The following DNAH3 variants were observed in gnomAD, a reference collection of about 807,000 sequenced individuals.
DNAH3 encodes the protein dynein axonemal heavy chain 3, also known as axonemal beta dynein heavy chain 3.
DNAH3 carries 332 observed loss-of-function variants against 432.5 expected under a neutral mutation model. That is an observed-to-expected ratio of 0.77 (90% CI 0.70 to 0.84). The LOEUF is 0.84. Among genes scored for constraint, DNAH3 ranks in the 40% least tolerant of loss-of-function variants. The pLI, the probability that DNAH3 is intolerant of heterozygous loss-of-function variation, is 0.00. For synonymous variants in DNAH3, 1,956 were observed against 1,900.2 expected, an observed-to-expected ratio of 1.03 and a Z score of -0.76; for missense variants, 4,861 against 5,114.0, an observed-to-expected ratio of 0.95 and a Z score of 1.51.
At chr16:21,153,837 C>G (rs1056700673) in intron 1 of DNAH3, among the ~76,000 whole-genome samples, 6 of 152,298 alleles carry the variant, frequency 3.9e-5, no homozygotes, top group Admixed American at 2.0e-4. Flanking sequence ...CACAATAGAA[C>G]CAAGTACTTC....
At position 21,106,433 on chromosome 16, in the gene DNAH3, A is replaced by C. The variant is rs2091948184; in HGVS notation, c.2284+57T>G. The C allele has an allele frequency of 3.0e-6, 4 of 1,324,688 alleles. No homozygotes were observed. The South Asian group carries it at 7.8e-5, about 26-fold the overall frequency. The allele number at this position is 1,324,688 out of a possible 1,614,324, so 82.1% of individuals were successfully genotyped here. ...ACTATTTGAAATGTTATATATACAA[A>C]TATAAAATATACATATAGGTATGCA... On this transcript the variant is annotated intron_variant, in intron 15 of 61. Coordinates refer to ENST00000261383, the Ensembl canonical transcript of DNAH3.
intron 7 of DNAH3, among the ~76,000 whole-genome samples, chr16:21,130,924 C>T (rs1366389081): frequency 6.6e-6 from 1 of 152,162 alleles, no homozygotes; most frequent in East Asian, 1.9e-4. Flanking sequence ...CACGCTTGTA[C>T]TTAAAGCAAT....
At chr16:20,969,082 TTCTCTG>T (rs2085197475) in intron 52 of DNAH3, among the ~76,000 whole-genome samples, 1 of 122,532 alleles carries the variant, frequency 8.2e-6, no homozygotes, top group Non-Finnish European at 1.7e-5. Flanking sequence ...TGCTTTTTCT[TTCTCTG>T]TGTGTGTGTG....
rs748425785 is a variant in DNAH3, at chr16:21,145,310, TG to T, written c.318del (p.Ser107ValfsTer10). On this transcript the variant is annotated frameshift_variant, in exon 3 of 62. Coordinates refer to ENST00000261383, the Ensembl canonical transcript of DNAH3. LOFTEE classifies it high-confidence loss of function. ...GAGTAGTTGTTGGCGATGGAATCACTGGGTCCACGGTGGTGATGCTGTTCTT... is the reference window on the plus strand; with the variant it reads ...GAGTAGTTGTTGGCGATGGAATCACTGGTCCACGGTGGTGATGCTGTTCTT... 6.8e-6 allele frequency: 11 copies of T among 1,614,144 alleles called. No individual in the cohort carries two copies. In the Admixed American group the frequency reaches 1.8e-4, roughly 27 times the overall value.
intron 1 of DNAH3, chr16:21,159,251 C>CT: frequency 7.7e-7 from 1 of 1,306,258 alleles, no homozygotes; most frequent in Non-Finnish European, 1.1e-6. Flanking sequence ...AAATTAATAA[C>CT]TAAGTACTCG....
intron 57 of DNAH3, among the ~76,000 whole-genome samples, chr16:20,946,103 G>A (rs2084033738): frequency 6.6e-6 from 1 of 152,148 alleles, no homozygotes; most frequent in Non-Finnish European, 1.5e-5. Context: ...GACGGGAAGT[G>A]GGGGTCAGAC....
intron 49 of DNAH3, among the ~76,000 whole-genome samples, chr16:20,980,682 C>T (rs2085857498): frequency 6.6e-6 from 1 of 151,916 alleles, no homozygotes; most frequent in Non-Finnish European, 1.5e-5. Context: ...AACACCATGC[C>T]CAGCCAATTT....
At chr16:21,062,601 T>C (rs1289054484) in exon 25 of DNAH3, 1 of 1,614,024 alleles carries the variant, frequency 6.2e-7, no homozygotes, top group Non-Finnish European at 8.5e-7. Context: ...TCAAAGCACT[T>C]CTTCAAGTGC....
chr16:21,036,183 G>A (rs2089157047), intron 35 of DNAH3, among the ~76,000 whole-genome samples: 1 of 152,066 alleles, frequency 6.6e-6, no homozygotes, highest in Admixed American at 6.6e-5. Context: ...AAATTAGCTG[G>A]GGGGTGGCGG....
intron 49 of DNAH3, among the ~76,000 whole-genome samples, chr16:20,981,549 A>G (rs1597041742): frequency 6.6e-6 from 1 of 151,700 alleles, no homozygotes; most frequent in South Asian, 2.1e-4. Flanking sequence ...ACATGGTGAA[A>G]CCCAGTGTCC....
In DNAH3 at chr16:20,985,672, T is replaced by C. The variant is rs780190124; in HGVS notation, c.7070A>G (p.Asn2357Ser). The change falls in exon 48 of 62, where the codon AAC (asparagine) becomes AGC (serine). Residue 2357 changes from asparagine (N) to serine (S), a missense_variant. Physicochemically the swap from Asn to Ser is conservative, Grantham distance 46. Coordinates refer to ENST00000261383, the Ensembl canonical transcript of DNAH3. Reference sequence around the variant, plus strand: ...ATCTCCAAAGAAGAGGCTTCGAATGTTATCATCGACTATCTTTCCAGTGGG... The same window carrying C: ...ATCTCCAAAGAAGAGGCTTCGAATGCTATCATCGACTATCTTTCCAGTGGG... The C allele has an allele frequency of 1.9e-6, 3 of 1,614,174 alleles. 1 individual carries two copies. In the South Asian group the frequency reaches 3.3e-5, roughly 18 times the overall value.
intron 24 of DNAH3, among the ~76,000 whole-genome samples, chr16:21,064,764 AAATT>A (rs2090481051): frequency 6.6e-6 from 1 of 152,186 alleles, no homozygotes; most frequent in Non-Finnish European, 1.5e-5. Context: ...TTTCAAGATG[AAATT>A]AACTTAAATT....
chr16:21,068,397 C>G (rs1033510923), intron 23 of DNAH3, among the ~76,000 whole-genome samples: 2 of 151,942 alleles, frequency 1.3e-5, no homozygotes, highest in Non-Finnish European at 2.9e-5. Context: ...TCACTGCAAC[C>G]TCTGCCTCCC....
intron 21 of DNAH3, among the ~76,000 whole-genome samples, chr16:21,073,619 T>C (rs1289404566): frequency 6.6e-6 from 1 of 152,206 alleles, no homozygotes; most frequent in Non-Finnish European, 1.5e-5. Flanking sequence ...GCAAGATCTT[T>C]CTGTCCATCT....
exon 62 of DNAH3, chr16:20,933,284 G>A (rs1229973989): frequency 6.2e-7 from 1 of 1,614,172 alleles, no homozygotes; most frequent in Non-Finnish European, 8.5e-7. Context: ...TCCTCTGCGG[G>A]CACTTGTTTT....
chr16:21,031,195 C>T, exon 37 of DNAH3: 1 of 1,614,154 alleles, frequency 6.2e-7, no homozygotes, highest in Non-Finnish European at 8.5e-7. Flanking sequence ...ACTCGTGGCT[C>T]ACTTGGTCAA....
intron 57 of DNAH3, among the ~76,000 whole-genome samples, chr16:20,947,236 G>A (rs1407541724): frequency 2.0e-5 from 3 of 152,210 alleles, no homozygotes; most frequent in Admixed American, 2.0e-4. Flanking sequence ...GGGAGCTTCT[G>A]GATAGCTGAC....
At chr16:20,972,121 C>T (rs544584695) in intron 51 of DNAH3, among the ~76,000 whole-genome samples, 3 of 152,122 alleles carry the variant, frequency 2.0e-5, no homozygotes, top group Admixed American at 6.5e-5. Context: ...TATTTAATAC[C>T]GAAGATGAGT....
At chr16:20,939,349 C>T (rs1305497952) in intron 59 of DNAH3, among the ~76,000 whole-genome samples, 1 of 152,184 alleles carries the variant, frequency 6.6e-6, no homozygotes, top group Non-Finnish European at 1.5e-5. Flanking sequence ...CAGTGGCTTA[C>T]ACCTGTAATC....
Sources: gnomAD v4.1 joint callset for allele counts (sites outside exome capture counted in the v4.1 genomes callset) on GRCh38, gnomAD v4.1.1 for gene constraint, MANE v1.5 for transcripts, NCBI Gene and HGNC (gene_info 2026-07-23, HGNC 2026-07-21) for gene names.